The following KMT2A variants were observed in gnomAD, a reference collection of about 807,000 sequenced individuals.
The protein encoded by KMT2A is histone-lysine N-methyltransferase 2A.
Under a neutral mutation model 345.3 loss-of-function variants are expected in KMT2A, and 16 were observed. The ratio of observed to expected loss-of-function variants is 0.05; its 90% CI spans 0.03 to 0.07. KMT2A has a LOEUF of 0.07. Among genes scored for constraint, KMT2A ranks in the 10% least tolerant of loss-of-function variants. KMT2A has a pLI of 1.00. For missense variants in KMT2A, 3,272 were observed against 4,841.6 expected, an observed-to-expected ratio of 0.68 and a Z score of 9.62; for synonymous variants, 1,599 against 1,778.6, an observed-to-expected ratio of 0.90 and a Z score of 2.54.
In KMT2A at chr11:118,476,975, G is replaced by T; in HGVS notation, c.3327G>T (p.Gly1109=). ...EEREKILSSM[G]NDDKSSIAGS... ...GAGAAAAGATTTTGTCTTCCATGGGGAATGATGGTAGGTCAAGAAGGTCAA... is the reference window on the plus strand; with the variant it reads ...GAGAAAAGATTTTGTCTTCCATGGGTAATGATGGTAGGTCAAGAAGGTCAA... The change falls in exon 4 of 36, where the codon GGG becomes GGT. Residue 1109 remains glycine (G), a synonymous_variant. Transcript: ENST00000534358. The surrounding 1 kb of genome is among the most constrained non-coding windows in gnomAD (Gnocchi z 4.1). 6.2e-7 allele frequency: 1 copy of T among 1,614,124 alleles called. No individual in the cohort carries two copies. Among genetic ancestry groups the T allele is most frequent in the Non-Finnish European group, 8.5e-7 (1 of 1,180,008 alleles).
chr11:118,524,018 A>T lies in KMT2A; in HGVS notation c.*1846A>T, dbSNP rs1318571103. ...AGAGTGGTGGGAGACGGCAATCTTT[A>T]CATTTCCCTCATCTTTCTTACTTCA... On this transcript the variant is annotated 3_prime_UTR_variant, in exon 36 of 36. Transcript: ENST00000534358. 2 of 199,374 alleles carry T rather than the reference A, an allele frequency of 1.0e-5. No homozygotes were observed. The highest frequency in any genetic ancestry group is 2.1e-5 in the Non-Finnish European group (2 of 96,476). 12.4% of individuals were successfully genotyped at this position (199,374 alleles called of 1,614,324 possible). A position where few individuals can be genotyped will look rare whatever the true frequency, so the allele number is the denominator to read the frequency against.
chr11:118,463,892 T>G (rs1949792550), intron 1 of KMT2A, among the ~76,000 whole-genome samples: 1 of 152,224 alleles, frequency 6.6e-6, no homozygotes, highest in African/African-American at 2.4e-5. Flanking sequence ...CTAAGAAGGA[T>G]AAGACATCAG....
intron 8 of KMT2A, among the ~76,000 whole-genome samples, chr11:118,483,621 G>A (rs145604373): frequency 1.8e-3 from 268 of 152,256 alleles, no homozygotes; most frequent in Non-Finnish European, 3.1e-3. Flanking sequence ...ACATGTTCTA[G>A]CCTAGGAATC....
intron 31 of KMT2A, among the ~76,000 whole-genome samples, chr11:118,514,801 T>C (rs914965773): frequency 2.0e-5 from 3 of 151,914 alleles, no homozygotes; most frequent in Non-Finnish European, 2.9e-5. Context: ...GCCTGGCTAA[T>C]TTTGTATTTT....
At chr11:118,481,408 A>G (rs1950130300) in intron 6 of KMT2A, among the ~76,000 whole-genome samples, 1 of 152,062 alleles carries the variant, frequency 6.6e-6, no homozygotes, top group Non-Finnish European at 1.5e-5. Context: ...AGTTCCATCC[A>G]TGTTGTTTCA....
chr11:118,494,604 C>A lies in KMT2A; in HGVS notation c.5290-90C>A. 1 of 1,152,506 alleles carries A rather than the reference C, an allele frequency of 8.7e-7. No individual in the cohort carries two copies. The highest frequency in any genetic ancestry group is 1.3e-6 in the Non-Finnish European group (1 of 788,336). The allele number at this position is 1,152,506 out of a possible 1,614,324, so 71.4% of individuals were successfully genotyped here. A position where few individuals can be genotyped will look rare whatever the true frequency, so the allele number is the denominator to read the frequency against. ...TCTCTTGGTGGCCTGAAATTATCCT[C>A]GTATTAACAGAGAAGCTGGTTTGAA... On this transcript the variant is annotated intron_variant, in intron 17 of 35. Coordinates refer to ENST00000534358, the MANE Select transcript of KMT2A (RefSeq NM_001197104.2). The surrounding 1 kb of genome is among the most constrained non-coding windows in gnomAD (Gnocchi z 5.8).
intron 10 of KMT2A, among the ~76,000 whole-genome samples, chr11:118,485,862 C>T (rs1251454840): frequency 6.6e-6 from 1 of 152,218 alleles, no homozygotes; most frequent in Admixed American, 6.5e-5. Context: ...GCAGGCGGAT[C>T]ACAAGGTCAG....
At chr11:118,445,738 C>T (rs1452611091) in intron 1 of KMT2A, among the ~76,000 whole-genome samples, 1 of 152,196 alleles carries the variant, frequency 6.6e-6, no homozygotes, top group Non-Finnish European at 1.5e-5. Context: ...CGCAGTGGCT[C>T]ACGCCTATAA....
rs1950404976 is a variant in KMT2A at position 118,496,109 on chromosome 11, T to G, written c.5558-152T>G. ...GAGTATTGTAACATAGATGATGAGGTAGCGTAACTCTGAACACTTTTTGAA... is the reference window on the plus strand; with the variant it reads ...GAGTATTGTAACATAGATGATGAGGGAGCGTAACTCTGAACACTTTTTGAA... On this transcript the variant is annotated intron_variant, in intron 19 of 35. Transcript: ENST00000534358. This position sits in a 1 kb window ranked among gnomAD's most constrained non-coding sequence, Gnocchi z 4.7. The G allele has an allele frequency of 2.9e-6, 2 of 698,452 alleles. No individual in the cohort carries two copies. Among genetic ancestry groups the G allele is most frequent in the African/African-American group, 1.8e-5 (1 of 55,874 alleles). The allele number at this position is 698,452 out of a possible 1,614,324, so 43.3% of individuals were successfully genotyped here. A position where few individuals can be genotyped will look rare whatever the true frequency, so the allele number is the denominator to read the frequency against.
In KMT2A at chr11:118,485,026, T is replaced by C. The variant is rs372966870; in HGVS notation, c.4332+51T>C. 9.8e-6 allele frequency: 11 copies of C among 1,122,248 alleles called. No individual in the cohort carries two copies. The African/African-American group carries it at 1.5e-4, about 16-fold the overall frequency. The allele number at this position is 1,122,248 out of a possible 1,614,324, so 69.5% of individuals were successfully genotyped here. A position where few individuals can be genotyped will look rare whatever the true frequency, so the allele number is the denominator to read the frequency against. The stretch of plus-strand genomic sequence containing the variant: ...CCAGGAAGTACATAAATTATTTTTC[T>C]GTGGATGAAATTACTATAGTCTGTT... On this transcript the variant is annotated intron_variant, in intron 10 of 35. Coordinates refer to ENST00000534358, the MANE Select transcript of KMT2A (RefSeq NM_001197104.2).
chr11:118,492,964 C>T, intron 15 of KMT2A, 93 bp from the exon 16 acceptor site: 2 of 907,418 alleles, frequency 2.2e-6, no homozygotes, highest in South Asian at 1.9e-5. Context: ...CAATATTAAT[C>T]ATTCAGTACC....
At chr11:118,449,601 AAAG>A (rs1278172878) in intron 1 of KMT2A, 1 of 151,488 alleles carries the variant, frequency 6.6e-6, no homozygotes, top group Non-Finnish European at 1.5e-5. Context: ...AAAAAAAAAA[AAAG>A]AGAAAAAAAA....
chr11:118,492,399 G>T (rs1950338489), intron 15 of KMT2A, among the ~76,000 whole-genome samples: 1 of 152,234 alleles, frequency 6.6e-6, no homozygotes, highest in South Asian at 2.1e-4. Flanking sequence ...ACCACACGGG[G>T]CCGGGCGCGG....
rs782040203 is a variant in KMT2A, at chr11:118,439,925, C to CT, written c.432+2996dup. ...GTAGTTTTCAGTGTAGAAGCAAGCA[C>CT]TTTTTTTTTTTTTTTAACATAGCCT... On this transcript the variant is annotated intron_variant, in intron 1 of 35. Transcript: ENST00000534358. Among the ~76,000 whole-genome samples the CT allele has an allele frequency of 5.8e-3, 806 of 139,828 alleles. 1 individual carries two copies. Among genetic ancestry groups the CT allele is most frequent in the African/African-American group, 7.0e-3 (265 of 38,112 alleles). The allele number at this position is 139,828 out of a possible 152,430, so 91.7% of individuals were successfully genotyped here.
intron 1 of KMT2A, among the ~76,000 whole-genome samples, chr11:118,437,960 C>G (rs1259275110): frequency 2.0e-5 from 3 of 152,060 alleles, no homozygotes; most frequent in African/African-American, 7.2e-5. Context: ...CAGCTGCTCT[C>G]CTACCCCACC....
In KMT2A at chr11:118,448,175, A is replaced by C. The variant is rs1454464240; in HGVS notation, c.432+11231A>C. On this transcript the variant is annotated intron_variant, in intron 1 of 35. Transcript: ENST00000534358. ...TAAGTGGAGCTAAGAGAGAAATCTT[A>C]AACATCAAGAGAAACCAAGGAAAAC... 4 of 152,498 alleles carry C rather than the reference A, an allele frequency of 2.6e-5. No individual in the cohort carries two copies. In the East Asian group the frequency reaches 7.7e-4, roughly 29 times the overall value. 9.4% of individuals were successfully genotyped at this position (152,498 alleles called of 1,614,324 possible).
rs1011569761 is a variant in KMT2A, at chr11:118,521,891, G to C, written c.11644-6G>C. The C allele has an allele frequency of 1.2e-6, 2 of 1,609,572 alleles. No individual in the cohort carries two copies. The highest frequency in any genetic ancestry group is 1.7e-6 in the Non-Finnish European group (2 of 1,176,102). On this transcript the variant is annotated splice_region_variant and splice_polypyrimidine_tract_variant and intron_variant, in intron 35 of 35. Transcript: ENST00000534358. The surrounding 1 kb of genome is among the most constrained non-coding windows in gnomAD (Gnocchi z 5.3). Reference sequence around the variant, plus strand: ...CAAGTTCTTCTCCCTTCTTCTGCATGTGCAGGGCATTGGTTGCTATATGTT... The same window carrying C: ...CAAGTTCTTCTCCCTTCTTCTGCATCTGCAGGGCATTGGTTGCTATATGTT...
At chr11:118,480,302 AC>A in intron 6 of KMT2A, 64 bp downstream of exon 6, 5 of 1,228,714 alleles carry the variant, frequency 4.1e-6, no homozygotes, top group Non-Finnish European at 4.8e-6. Flanking sequence ...AGTTGTATAC[AC>A]CCAGTAGAAG....
chr11:118,447,275 C>G (rs1949442454), intron 1 of KMT2A, among the ~76,000 whole-genome samples: 1 of 152,160 alleles, frequency 6.6e-6, no homozygotes, highest in Non-Finnish European at 1.5e-5. Flanking sequence ...CGGGCCATTT[C>G]TAAGTCATCA....
Sources: gnomAD v4.1 joint callset for allele counts (sites outside exome capture counted in the v4.1 genomes callset) on GRCh38, gnomAD v4.1.1 for gene constraint, Gnocchi (gnomAD v3.1) non-coding constraint, MANE v1.5 for transcripts, NCBI Gene and HGNC (gene_info 2026-07-23, HGNC 2026-07-21) for gene names.